EYS: variants seen among roughly 807,000 people sequenced by gnomAD.
EYS encodes the protein protein eyes shut homolog.
A neutral mutation model predicts 282.1 loss-of-function variants in EYS; 250 were observed. The observed-to-expected ratio is 0.89, with a 90% CI of 0.80 to 0.98. EYS has a LOEUF of 0.98. Among genes scored for constraint, EYS ranks in the 50% least tolerant of loss-of-function variants. EYS has a pLI of 0.00. For synonymous variants in EYS, 1,355 were observed against 1,282.9 expected (o/e 1.06, Z -1.20); for missense variants, 4,016 against 3,709.0 (o/e 1.08, Z -2.15).
intron 1 of EYS, among the ~76,000 whole-genome samples, chr6:65,690,408 G>A (rs1368835846): frequency 6.0e-5 from 9 of 149,642 alleles, no homozygotes; most frequent in Non-Finnish European, 7.4e-5. Context: ...TCATGCGTCC[G>A]TTTATAAACT....
intron 33 of EYS, among the ~76,000 whole-genome samples, chr6:64,010,714 A>G (rs947803521): frequency 2.0e-5 from 3 of 151,960 alleles, no homozygotes; most frequent in Admixed American, 1.3e-4. Context: ...GCTGTGCCCA[A>G]CCCTACCTGC....
chr6:64,325,624 G>A (rs1770386883), intron 29 of EYS, among the ~76,000 whole-genome samples: 1 of 152,108 alleles, frequency 6.6e-6, no homozygotes, highest in Admixed American at 6.6e-5. Flanking sequence ...AATCAGGGAG[G>A]CACCAGAGAA....
At chr6:64,739,649 T>C (rs569830163) in intron 22 of EYS, among the ~76,000 whole-genome samples, 1 of 152,288 alleles carries the variant, frequency 6.6e-6, no homozygotes, top group South Asian at 2.1e-4. Flanking sequence ...TACTTTTCTA[T>C]ACAACAGAAG....
intron 29 of EYS, among the ~76,000 whole-genome samples, chr6:64,363,992 T>C: frequency 6.6e-6 from 1 of 151,904 alleles, no homozygotes; most frequent in East Asian, 1.9e-4. Context: ...CGTTCATCTC[T>C]CTACCCTGTC....
chr6:64,110,737 G>C (rs916269499), intron 31 of EYS, among the ~76,000 whole-genome samples: 2 of 151,878 alleles, frequency 1.3e-5, no homozygotes, highest in Non-Finnish European at 2.9e-5. Flanking sequence ...TTGATATTAG[G>C]ACCTAAGGAA....
At chr6:64,589,823 TA>T (rs1024860543) in intron 26 of EYS, among the ~76,000 whole-genome samples, 3 of 151,884 alleles carry the variant, frequency 2.0e-5, no homozygotes, top group East Asian at 3.9e-4. Flanking sequence ...TTTCCCATAT[TA>T]AAAAAAATGC....
chr6:65,306,807 T>C (rs1356283525), intron 11 of EYS, among the ~76,000 whole-genome samples: 82 of 90,048 alleles, frequency 9.1e-4, no homozygotes, highest in African/African-American at 3.4e-3. Flanking sequence ...CACTCCAGCC[T>C]GGGCAGCAGA....
chr6:65,086,720 ATTGT>A (rs1246624928), intron 12 of EYS, among the ~76,000 whole-genome samples: 1 of 152,102 alleles, frequency 6.6e-6, no homozygotes, highest in African/African-American at 2.4e-5. Flanking sequence ...CCTTAAATCT[ATTGT>A]TTGTTAAATT....
At chr6:64,935,587 G>A (rs1583308631) in intron 15 of EYS, among the ~76,000 whole-genome samples, 1 of 151,482 alleles carries the variant, frequency 6.6e-6, no homozygotes, top group Admixed American at 6.6e-5. Context: ...AGAAAAAACA[G>A]AGAAGACCCA....
chr6:64,115,138 A>G (rs1003943259), intron 31 of EYS, among the ~76,000 whole-genome samples: 2 of 152,200 alleles, frequency 1.3e-5, no homozygotes, highest in African/African-American at 4.8e-5. Flanking sequence ...TAGAAGGTAC[A>G]TCTATGGCCC....
Position 65,344,114 on chromosome 6 carries a change from G to C in EYS, c.1523C>G (p.Thr508Ser). The change falls in exon 10 of 43, where the codon ACT becomes AGT. Residue 508 changes from threonine to serine, a missense_variant. Thr to Ser is a moderately conservative substitution (Grantham distance 58). Transcript: ENST00000503581. ...ATCGTTCACATAGGTTGCATCTTCA[G>C]TGCAGTTTGCAGCCAGAAAGAAATA... ...DAYFFLAANC[T>S]EDATYVNDPE... is the part of the protein sequence containing the mutation. The C allele has an allele frequency of 1.2e-6, 2 of 1,610,080 alleles. No homozygotes were observed. The highest frequency in any genetic ancestry group is 8.5e-7 in the Non-Finnish European group (1 of 1,177,298).
intron 35 of EYS, among the ~76,000 whole-genome samples, chr6:63,885,931 A>G (rs1189937557): frequency 6.6e-6 from 1 of 152,208 alleles, no homozygotes; most frequent in Non-Finnish European, 1.5e-5. Flanking sequence ...TTAATATCAA[A>G]TAAGTATTTG....
chr6:65,136,269 A>G (rs773369419), intron 12 of EYS, among the ~76,000 whole-genome samples: 43 of 152,084 alleles, frequency 2.8e-4, no homozygotes, highest in Middle Eastern at 3.2e-3. Context: ...AGTATTAGGC[A>G]ATATAAATTA....
chr6:64,263,107 G>T (rs1767642604), intron 30 of EYS, among the ~76,000 whole-genome samples: 1 of 151,956 alleles, frequency 6.6e-6, no homozygotes, highest in African/African-American at 2.4e-5. Flanking sequence ...AATGACATAA[G>T]ATTGTTACAA....
intron 33 of EYS, among the ~76,000 whole-genome samples, chr6:64,016,653 T>A (rs2149815375): frequency 6.6e-6 from 1 of 152,178 alleles, no homozygotes; most frequent in Admixed American, 6.5e-5. Flanking sequence ...TTTTTGTATT[T>A]TCTGTAGGGA....
chr6:65,073,902 CTT>C (rs1443132795), intron 12 of EYS, among the ~76,000 whole-genome samples: 1 of 151,798 alleles, frequency 6.6e-6, no homozygotes. Context: ...GAAATGAACA[CTT>C]GAATTATAAA....
intron 34 of EYS, among the ~76,000 whole-genome samples, chr6:63,988,404 A>C (rs1767464218): frequency 6.6e-6 from 1 of 151,582 alleles, no homozygotes; most frequent in South Asian, 2.1e-4. Flanking sequence ...AGAGCTATCA[A>C]TGATTTATTA....
intron 41 of EYS, among the ~76,000 whole-genome samples, chr6:63,738,939 A>T (rs1451396774): frequency 6.6e-6 from 1 of 152,134 alleles, no homozygotes; most frequent in African/African-American, 2.4e-5. Flanking sequence ...TCGTTGCTAC[A>T]TACTGATTAT....
intron 12 of EYS, among the ~76,000 whole-genome samples, chr6:65,279,973 C>A (rs1768171666): frequency 6.6e-6 from 1 of 152,134 alleles, no homozygotes; most frequent in Non-Finnish European, 1.5e-5. Context: ...GGAAAGGAGG[C>A]TTTCCTAGAG....
Sources: gnomAD v4.1 joint callset for allele counts (sites outside exome capture counted in the v4.1 genomes callset) on GRCh38, gnomAD v4.1.1 for gene constraint, MANE v1.5 for transcripts, NCBI Gene and HGNC (gene_info 2026-07-23, HGNC 2026-07-21) for gene names.